MID1: variants seen among roughly 807,000 people sequenced by gnomAD.
MID1 encodes midline 1, also known as E3 ubiquitin-protein ligase Midline-1.
In MID1, 7 loss-of-function variants were observed where a neutral mutation model predicts 40.4. The observed-to-expected ratio is 0.17, with a 90% CI of 0.10 to 0.33. MID1 has a LOEUF of 0.33. Among genes scored for constraint, MID1 ranks in the 10% least tolerant of loss-of-function variants. The pLI is 1.00. For missense variants in MID1, 367 were observed against 558.5 expected, an observed-to-expected ratio of 0.66 and a Z score of 3.46; for synonymous variants, 229 against 221.2, an observed-to-expected ratio of 1.04 and a Z score of -0.31.
At chrX:10,532,680 T>C (rs1387701955) in intron 2 of MID1, among the ~76,000 whole-genome samples, 2 of 112,452 alleles carry the variant, frequency 1.8e-5, no homozygotes, top group African/African-American at 3.2e-5. Flanking sequence ...AGATATTCAA[T>C]GTCCTAAACC....
At chrX:10,586,205 A>G (rs781696311) in intron 1 of MID1, among the ~76,000 whole-genome samples, 2 of 111,911 alleles carry the variant, frequency 1.8e-5, no homozygotes, top group East Asian at 2.8e-4. Context: ...CTTGATGTAT[A>G]TACTGGGAAC....
At chrX:10,823,535 A>G (rs1341421028) in intron 1 of MID1, among the ~76,000 whole-genome samples, 1 of 111,738 alleles carries the variant, frequency 8.9e-6, no homozygotes, top group East Asian at 2.8e-4. Flanking sequence ...TCTTTCATCT[A>G]ACTTCAAAAA....
At chrX:10,815,060 A>G (rs2044127197) in intron 1 of MID1, among the ~76,000 whole-genome samples, 1 of 112,074 alleles carries the variant, frequency 8.9e-6, no homozygotes, top group African/African-American at 3.2e-5. Flanking sequence ...AATGCCCAAA[A>G]GTGCAATTTC....
chrX:10,651,007 C>T (rs1042399289), intron 1 of MID1, among the ~76,000 whole-genome samples: 3 of 111,644 alleles, frequency 2.7e-5, no homozygotes, highest in African/African-American at 9.8e-5. Context: ...TCTAGCTGCA[C>T]AAGAAAAGAT....
intron 1 of MID1, among the ~76,000 whole-genome samples, chrX:10,715,587 C>T (rs966679555): frequency 1.8e-5 from 2 of 112,065 alleles, no homozygotes; most frequent in East Asian, 5.6e-4. Context: ...CTCAAGGAGG[C>T]CTGCTTGCCT....
chrX:10,578,956 T>C (rs1185690729), intron 1 of MID1, among the ~76,000 whole-genome samples: 1 of 112,660 alleles, frequency 8.9e-6, no homozygotes, highest in Non-Finnish European at 1.9e-5. Context: ...AAGTCCTATA[T>C]ATGTCCATAA....
chrX:10,514,015 G>T (rs1166553873), intron 3 of MID1, among the ~76,000 whole-genome samples: 1 of 111,829 alleles, frequency 8.9e-6, no homozygotes, highest in Non-Finnish European at 1.9e-5. Context: ...TCAGAAAAAA[G>T]CACACTTTCT....
intron 1 of MID1, among the ~76,000 whole-genome samples, chrX:10,576,496 T>G (rs771335665): frequency 9.0e-6 from 1 of 111,408 alleles, no homozygotes; most frequent in East Asian, 2.8e-4. Context: ...GTCTTCCAAA[T>G]TTACTTAACA....
At chrX:10,525,604 A>G (rs1932815340) in intron 2 of MID1, among the ~76,000 whole-genome samples, 2 of 112,402 alleles carry the variant, frequency 1.8e-5, no homozygotes, top group African/African-American at 3.2e-5. Flanking sequence ...GGGGATTGAC[A>G]TAGCCCAGCC....
At chrX:10,623,018 C>T (rs1392227947), upstream of MID1, among the ~76,000 whole-genome samples, 1 of 99,228 alleles carries the variant, frequency 1.0e-5, no homozygotes, top group African/African-American at 3.8e-5. Flanking sequence ...CCGAGGAGGG[C>T]GGATGATCGC....
At chrX:10,464,861 C>A (rs1929249097) in intron 7 of MID1, among the ~76,000 whole-genome samples, 1 of 111,388 alleles carries the variant, frequency 9.0e-6, no homozygotes, top group Non-Finnish European at 1.9e-5. Context: ...CATGTACTCC[C>A]AAAGTGTCCA....
chrX:10,663,998 G>A (rs1384404010), intron 1 of MID1, among the ~76,000 whole-genome samples: 1 of 107,571 alleles, frequency 9.3e-6, no homozygotes, highest in African/African-American at 3.7e-5. Context: ...AATATGAATG[G>A]ACATTTATGT....
chrX:10,539,990 C>G (rs906427661), intron 2 of MID1, among the ~76,000 whole-genome samples: 2 of 112,499 alleles, frequency 1.8e-5, no homozygotes, highest in Non-Finnish European at 3.8e-5. Flanking sequence ...GGCTTGAGGT[C>G]AGGAGTTCAA....
At position 10,571,764 on chromosome X, in the gene MID1, T is replaced by C. The variant is rs866953929; in HGVS notation, c.-56-4161A>G. Among the ~76,000 whole-genome samples the C allele has an allele frequency of 2.8e-5, 3 of 107,601 alleles. No individual in the cohort carries two copies. The Admixed American group carries it at 3.0e-4, about 11-fold the overall frequency. The allele number at this position is 107,601 out of a possible 115,157, so 93.4% of individuals were successfully genotyped here. On this transcript the variant is annotated intron_variant, in intron 1 of 9. Coordinates refer to ENST00000317552, the MANE Select transcript of MID1 (RefSeq NM_000381.4). The stretch of plus-strand genomic sequence containing the variant: ...CCCTATCTCTACCAAAAAATAAAAA[T>C]AAAAAAATTAGCCAGGAGTGGTGGC...
chrX:10,656,660 CCT>C (rs1203497872), intron 1 of MID1, among the ~76,000 whole-genome samples: 6 of 111,349 alleles, frequency 5.4e-5, no homozygotes, highest in African/African-American at 2.0e-4. Flanking sequence ...TCCAGTTTAT[CCT>C]CTGTCTGGGT....
At chrX:10,832,913 G>A (rs149560338) in intron 1 of MID1, among the ~76,000 whole-genome samples, 1,501 of 112,103 alleles carry the variant, frequency 0.013, 15 homozygotes, top group Non-Finnish European at 0.02. Flanking sequence ...CAATACCTTT[G>A]ACATAAAGCC....
intron 1 of MID1, among the ~76,000 whole-genome samples, chrX:10,583,137 G>A (rs910476199): frequency 9.0e-6 from 1 of 111,622 alleles, no homozygotes; most frequent in African/African-American, 3.3e-5. Context: ...TGTGCCAGGA[G>A]CTGCTCTAGG....
chrX:10,637,317 T>C (rs1440169863), intron 1 of MID1, among the ~76,000 whole-genome samples: 1 of 97,067 alleles, frequency 1.0e-5, no homozygotes, highest in Non-Finnish European at 2.0e-5. Flanking sequence ...GCTTTATGTA[T>C]TTTTTTTTTT....
At chrX:10,477,824 G>C (rs959270432) in intron 5 of MID1, among the ~76,000 whole-genome samples, 15 of 112,305 alleles carry the variant, frequency 1.3e-4, no homozygotes, top group Non-Finnish European at 2.3e-4. Context: ...GGTTTACTTT[G>C]GTCAGCCCAG....
Sources: allele counts gnomAD v4.1 joint callset (sites outside exome capture counted in the v4.1 genomes callset), GRCh38; gene constraint gnomAD v4.1.1; transcripts MANE v1.5; gene names NCBI Gene and HGNC (gene_info 2026-07-23, HGNC 2026-07-21).